SLC39A10: variants seen among roughly 807,000 people sequenced by gnomAD.
The protein encoded by SLC39A10 is solute carrier family 39 member 10, also known as zinc transporter ZIP10.
A neutral mutation model predicts 65.1 loss-of-function variants in SLC39A10; 13 were observed. The observed-to-expected ratio is 0.20, with a 90% confidence interval of 0.13 to 0.32. SLC39A10 has a LOEUF of 0.32. Among genes scored for constraint, SLC39A10 ranks in the 10% least tolerant of loss-of-function variants. The pLI is 1.00. For synonymous variants in SLC39A10, 321 were observed against 342.2 expected, an observed-to-expected ratio of 0.94 and a Z score of 0.68; for missense variants, 831 against 1,018.4, an observed-to-expected ratio of 0.82 and a Z score of 2.50.
rs1389590149 is a variant in SLC39A10, at chr2:195,650,347, C to T, written c.-11-29685C>T. 1.3e-5 allele frequency among the ~76,000 whole-genome samples: 2 copies of T among 151,130 alleles called. 1 individual carries two copies. The highest frequency in any genetic ancestry group is 1.3e-4 in the Admixed American group (2 of 15,196). ...GTGAGAAGTCTTCATGGCACTATGA[C>T]GTGGGCAAATGTGTGGTCAACGTGT... On this transcript the variant is annotated intron_variant, in intron 2 of 2. Coordinates refer to the SLC39A10 transcript ENST00000458054.
chr2:195,617,782 C>T (rs1688252630), intron 2 of SLC39A10, among the ~76,000 whole-genome samples: 2 of 127,842 alleles, frequency 1.6e-5, no homozygotes, highest in East Asian at 2.3e-4. Context: ...CACTGTCTAC[C>T]AGGCTGGAGT....
At chr2:195,675,468 C>T (rs1015390710) in intron 1 of SLC39A10, among the ~76,000 whole-genome samples, 5 of 152,200 alleles carry the variant, frequency 3.3e-5, no homozygotes, top group African/African-American at 1.2e-4. Context: ...CATAGTCTCG[C>T]TCTGTCGCCC....
chr2:195,731,748 T>A (rs1176090364), intron 9 of SLC39A10, among the ~76,000 whole-genome samples: 1 of 152,084 alleles, frequency 6.6e-6, no homozygotes, highest in Non-Finnish European at 1.5e-5. Context: ...GAATAGAAAG[T>A]TTTTCCATCA....
chr2:195,680,328 G>T lies in SLC39A10; in HGVS notation c.286G>T (p.Val96Leu). ...AAACTTGGGCCTTGGAGAGAGAAAA[G>T]TAGTTGAGATTAATCATGAGGATCT... Reference protein sequence around the residue: ...LTNLGLGERKVVEINHEDLGH... With the variant: ...LTNLGLGERKLVEINHEDLGH... Residue 96 changes from valine (V) to leucine (L), a missense_variant, in exon 2 of 10, where the codon GTA becomes TTA. Coordinates refer to ENST00000359634, the MANE Select transcript of SLC39A10 (RefSeq NM_020342.3). 6.2e-7 allele frequency: 1 copy of T among 1,614,146 alleles called. No homozygotes were observed. The highest frequency in any genetic ancestry group is 1.3e-5 in the African/African-American group (1 of 75,026).
At chr2:195,636,354 A>G (rs1479104963) in intron 2 of SLC39A10, among the ~76,000 whole-genome samples, 1 of 152,230 alleles carries the variant, frequency 6.6e-6, no homozygotes, top group Admixed American at 6.5e-5. Context: ...TTATTTCCAC[A>G]TGAAATAGTA....
intron 2 of SLC39A10, among the ~76,000 whole-genome samples, chr2:195,628,497 G>A (rs574621177): frequency 1.8e-4 from 28 of 152,272 alleles, no homozygotes; most frequent in African/African-American, 6.7e-4. Flanking sequence ...TATATTATAT[G>A]CCGGGCACTG....
chr2:195,616,248 C>T (rs1688204610), intron 2 of SLC39A10, among the ~76,000 whole-genome samples: 1 of 152,166 alleles, frequency 6.6e-6, no homozygotes, highest in South Asian at 2.1e-4. Context: ...AGCCACCGTG[C>T]CCAGCCAGAT....
chr2:195,654,794 C>T (rs1256590675), upstream of SLC39A10, among the ~76,000 whole-genome samples: 3 of 152,088 alleles, frequency 2.0e-5, no homozygotes, highest in Admixed American at 6.6e-5. Context: ...TATATTGTTG[C>T]TGTAGTGTCC....
At chr2:195,632,545 T>A (rs11695816) in intron 2 of SLC39A10, among the ~76,000 whole-genome samples, 1 of 151,974 alleles carries the variant, frequency 6.6e-6, no homozygotes, top group African/African-American at 2.4e-5. Context: ...TGACCTAAGG[T>A]GATCCACCTG....
At chr2:195,731,426 T>C (rs899363457) in intron 9 of SLC39A10, among the ~76,000 whole-genome samples, 12 of 152,322 alleles carry the variant, frequency 7.9e-5, no homozygotes, top group African/African-American at 2.9e-4. Context: ...TTTGTACGTG[T>C]ATCTCAACCT....
intron 2 of SLC39A10, among the ~76,000 whole-genome samples, chr2:195,682,612 T>C (rs2105774284): frequency 6.6e-6 from 1 of 152,246 alleles, no homozygotes; most frequent in East Asian, 1.9e-4. Flanking sequence ...TATTATGACT[T>C]AGGATAATAT....
At chr2:195,632,526 TCA>T (rs2105698158) in intron 2 of SLC39A10, among the ~76,000 whole-genome samples, 1 of 152,162 alleles carries the variant, frequency 6.6e-6, no homozygotes, top group Non-Finnish European at 1.5e-5. Context: ...CTCAAACTCC[TCA>T]AACTCCTGAC....
chr2:195,663,549 TGTATATATACATTATAAGGCA>T (rs1398856271), intron 1 of SLC39A10, among the ~76,000 whole-genome samples: 1 of 152,180 alleles, frequency 6.6e-6, no homozygotes, highest in African/African-American at 2.4e-5. Flanking sequence ...ACGTATTCTG[TGTATATATACATTATAAGGCA>T]GTGAGATCAT....
At chr2:195,690,947 C>T (rs1234524024) in intron 3 of SLC39A10, among the ~76,000 whole-genome samples, 1 of 152,016 alleles carries the variant, frequency 6.6e-6, no homozygotes, top group African/African-American at 2.4e-5. Context: ...TTTTGTTGCA[C>T]CCATCACCCA....
At chr2:195,675,225 A>G (rs1157283519) in intron 1 of SLC39A10, among the ~76,000 whole-genome samples, 2 of 152,236 alleles carry the variant, frequency 1.3e-5, no homozygotes, top group South Asian at 4.1e-4. Context: ...TTTAAAAAAG[A>G]TAAATCTTCC....
intron 2 of SLC39A10, among the ~76,000 whole-genome samples, chr2:195,636,685 G>A (rs559120355): frequency 3.3e-5 from 5 of 152,184 alleles, no homozygotes; most frequent in South Asian, 4.2e-4. Context: ...CCTGGGAGGC[G>A]GAGCTTGCAG....
intron 2 of SLC39A10, among the ~76,000 whole-genome samples, chr2:195,624,113 C>T (rs1338346545): frequency 2.0e-5 from 3 of 151,888 alleles, no homozygotes; most frequent in Non-Finnish European, 4.4e-5. Flanking sequence ...TGGCCAGGTG[C>T]GGTGGTTCAT....
In SLC39A10 at chr2:195,680,294, A is replaced by T. The variant is rs758191678; in HGVS notation, c.252A>T (p.Lys84Asn). The T allele has an allele frequency of 6.2e-7, 1 of 1,614,136 alleles. No individual in the cohort carries two copies. The highest frequency in any genetic ancestry group is 8.5e-7 in the Non-Finnish European group (1 of 1,180,022). ...GATTATCCTTTTTTGGTTTGGAGAA[A>T]CTTTTAACAAACTTGGGCCTTGGAG... Reference protein sequence around the residue: ...NGRLSFFGLEKLLTNLGLGER... With the variant: ...NGRLSFFGLENLLTNLGLGER... Residue 84 changes from lysine to asparagine, a missense_variant, in exon 2 of 10, where the codon AAA becomes AAT. By Grantham distance (94) the Lys-to-Asn change is moderately conservative. Transcript: ENST00000359634.
intron 2 of SLC39A10, 94 bp downstream of exon 2, chr2:195,681,144 C>T: frequency 1.7e-6 from 2 of 1,205,388 alleles, no homozygotes; most frequent in Non-Finnish European, 1.2e-6. Flanking sequence ...GAGTATTAAT[C>T]ATATTTAAAC....
Sources: gnomAD v4.1 joint callset for allele counts (sites outside exome capture counted in the v4.1 genomes callset) on GRCh38, gnomAD v4.1.1 for gene constraint, MANE v1.5 for transcripts, NCBI Gene and HGNC (gene_info 2026-07-23, HGNC 2026-07-21) for gene names.